The following HNF4A variants were observed in gnomAD, a reference collection of about 807,000 sequenced individuals.
HNF4A encodes the protein hepatocyte nuclear factor 4-alpha.
Under a neutral mutation model 52.4 loss-of-function variants are expected in HNF4A, and 15 were observed. That is an observed-to-expected ratio of 0.29 (90% CI 0.19 to 0.44). HNF4A has a LOEUF of 0.44. Ranked by LOEUF, HNF4A falls within the 20% of genes least tolerant of loss-of-function variation. The pLI is 1.00. For missense variants in HNF4A, 479 were observed against 647.2 expected (o/e 0.74, Z 2.82); for synonymous variants, 280 against 264.4 (o/e 1.06, Z -0.57).
At chr20:44,401,182 C>A, upstream of HNF4A, 3 of 1,470,756 alleles carry the variant, frequency 2.0e-6, no homozygotes, top group Admixed American at 2.2e-5. Context: ...CATTAACCCC[C>A]ACCCCTCCCC....
At chr20:44,413,896 A>T (rs953395360) in intron 4 of HNF4A, 96 bp downstream of exon 4, 4 of 814,440 alleles carry the variant, frequency 4.9e-6, no homozygotes, top group Admixed American at 2.0e-5. Flanking sequence ...GCCCTGGAGC[A>T]GCTGACGGGA....
At chr20:44,399,456 G>A (rs2063383043), upstream of HNF4A, among the ~76,000 whole-genome samples, 1 of 152,016 alleles carries the variant, frequency 6.6e-6, no homozygotes, top group Non-Finnish European at 1.5e-5. Context: ...TTCCCTACAG[G>A]CAATAGCACT....
intron 3 of HNF4A, among the ~76,000 whole-genome samples, chr20:44,411,037 A>G (rs1343956230): frequency 6.6e-6 from 1 of 152,170 alleles, no homozygotes; most frequent in Admixed American, 6.5e-5. Context: ...GCAGGTCAAG[A>G]ATTCTTTCCT....
At chr20:44,370,422 C>G (rs1388549558) in intron 1 of HNF4A, among the ~76,000 whole-genome samples, 2 of 152,210 alleles carry the variant, frequency 1.3e-5, no homozygotes, top group Non-Finnish European at 2.9e-5. Flanking sequence ...TGCCTCTTCC[C>G]CAGATCTTTG....
intron 5 of HNF4A, among the ~76,000 whole-genome samples, chr20:44,415,879 A>G (rs2063656893): frequency 6.6e-6 from 1 of 152,076 alleles, no homozygotes; most frequent in Non-Finnish European, 1.5e-5. Flanking sequence ...AGGATCTTGG[A>G]CAATCCGCCC....
rs769636511 is a variant in HNF4A at position 44,414,603 on chromosome 20, G to A, written c.589G>A (p.Val197Ile). 1 of 1,614,142 alleles carries A rather than the reference G, an allele frequency of 6.2e-7. No individual in the cohort carries two copies. Among genetic ancestry groups the A allele is most frequent in the East Asian group, 2.2e-5 (1 of 44,880 alleles). ...TGAGTCCATGAAGGAGCAGCTGCTG[G>A]TTCTCGTTGAGTGGGCCAAGTACAT... Residue 197 changes from valine (V) to isoleucine (I), a missense_variant, in exon 5 of 10, where the codon GTT (valine) becomes ATT (isoleucine). By Grantham distance (29) the Val-to-Ile change is conservative. Transcript: ENST00000316099.
intron 1 of HNF4A, among the ~76,000 whole-genome samples, chr20:44,404,837 T>TTC (rs1337096114): frequency 0.012 from 7 of 592 alleles, no homozygotes; most frequent in East Asian, 0.042. Flanking sequence ...CTGTGGTGTG[T>TTC]GTGTGCGTGA....
At chr20:44,366,605 A>G (rs2062972816) in intron 1 of HNF4A, among the ~76,000 whole-genome samples, 1 of 152,138 alleles carries the variant, frequency 6.6e-6, no homozygotes, top group Non-Finnish European at 1.5e-5. Context: ...TGGGCAACAG[A>G]GCGAGATCCT....
At position 44,424,089 on chromosome 20, in the gene HNF4A, T is replaced by C; in HGVS notation, c.964T>C (p.Tyr322His). Reference sequence around the variant, plus strand: ...CCAGGTGCAGGTGAGCTTGGAGGACTACATCAACGACCGCCAGTATGACTC... The same window carrying C: ...CCAGGTGCAGGTGAGCTTGGAGGACCACATCAACGACCGCCAGTATGACTC... Residue 322 changes from tyrosine (Y) to histidine (H), a missense_variant, in exon 8 of 10, where the codon TAC (tyrosine) becomes CAC (histidine). Coordinates refer to ENST00000316099, the MANE Select transcript of HNF4A (RefSeq NM_000457.6). The C allele has an allele frequency of 6.2e-7, 1 of 1,613,358 alleles. No homozygotes were observed. The highest frequency in any genetic ancestry group is 8.5e-7 in the Non-Finnish European group (1 of 1,179,982).
intron 2 of HNF4A, 23 bp downstream of exon 2, chr20:44,406,255 G>T: frequency 1.2e-6 from 2 of 1,608,360 alleles, no homozygotes; most frequent in Non-Finnish European, 8.5e-7. Flanking sequence ...AATTTCTTCA[G>T]CTGGGAAATG....
chr20:44,355,719 G>T (rs2062849481), exon 1 of HNF4A: 3 of 1,232,978 alleles, frequency 2.4e-6, no homozygotes, highest in Non-Finnish European at 3.6e-6. Flanking sequence ...CCTTCCTGGT[G>T]GACGGGCTCC....
chr20:44,384,306 T>C (rs1046585891), intron 1 of HNF4A, among the ~76,000 whole-genome samples: 2 of 152,066 alleles, frequency 1.3e-5, no homozygotes, highest in African/African-American at 4.8e-5. Flanking sequence ...TACTGTTTCA[T>C]TTGGTAGTAA....
At chr20:44,388,842 G>A (rs2063266927) in intron 1 of HNF4A, among the ~76,000 whole-genome samples, 1 of 152,238 alleles carries the variant, frequency 6.6e-6, no homozygotes, top group Non-Finnish European at 1.5e-5. Context: ...AGGGTGTCAG[G>A]GCTCCCAGCT....
At chr20:44,381,368 A>G (rs1228527921) in intron 1 of HNF4A, among the ~76,000 whole-genome samples, 1 of 148,382 alleles carries the variant, frequency 6.7e-6, no homozygotes, top group Non-Finnish European at 1.5e-5. Flanking sequence ...GCAACCTCCA[A>G]CTCCAGGGTT....
intron 1 of HNF4A, among the ~76,000 whole-genome samples, chr20:44,392,717 A>G (rs935962695): frequency 6.6e-6 from 1 of 152,174 alleles, no homozygotes; most frequent in Admixed American, 6.5e-5. Context: ...TTGTTAGACA[A>G]AACTTCTCCA....
At position 44,401,437 on chromosome 20, in the gene HNF4A, C is replaced by A. The variant is rs758457314; in HGVS notation, c.65C>A (p.Ala22Asp). 6.2e-7 allele frequency: 1 copy of A among 1,614,172 alleles called. No homozygotes were observed. The highest frequency in any genetic ancestry group is 8.5e-7 in the Non-Finnish European group (1 of 1,180,032). ...GACTACAGTGCTGCACTGGACCCAG[C>A]CTACACCACCCTGGAATTTGAGAAT... Residue 22 changes from alanine (A) to aspartate (D), a missense_variant, in exon 1 of 10, where the codon GCC (alanine) becomes GAC (aspartate). Physicochemically the swap from Ala to Asp is moderately radical, Grantham distance 126. Around this residue, in one of 3 missense-constraint regions of HNF4A, gnomAD observed 90 missense variants for 105.5 expected, o/e 0.85. Transcript: ENST00000316099.
chr20:44,375,059 A>G (rs1275380798), intron 1 of HNF4A, among the ~76,000 whole-genome samples: 2 of 152,130 alleles, frequency 1.3e-5, no homozygotes, highest in Admixed American at 6.6e-5. Flanking sequence ...GTGGGGACAA[A>G]AAAAGAAACT....
chr20:44,402,550 G>A (rs2063424953), intron 1 of HNF4A: 3 of 1,364,148 alleles, frequency 2.2e-6, no homozygotes, highest in Non-Finnish European at 2.9e-6. Context: ...TTGTCTCTGA[G>A]CAGATTTTGT....
In HNF4A at chr20:44,430,040, T is replaced by A; in HGVS notation, c.*375T>A. 1 of 233,056 alleles carries A rather than the reference T, an allele frequency of 4.3e-6. No individual in the cohort carries two copies. The highest frequency in any genetic ancestry group is 7.0e-5 in the South Asian group (1 of 14,382). 14.4% of individuals were successfully genotyped at this position (233,056 alleles called of 1,614,324 possible). ...CTCCCTTCTTCCCTAGCCTGGTGCT[T>A]CTCCTCTCCTAGCCCCTGTCATGGT... On this transcript the variant is annotated 3_prime_UTR_variant, in exon 10 of 10. Coordinates refer to ENST00000316099, the MANE Select transcript of HNF4A (RefSeq NM_000457.6).
Sources: gnomAD v4.1 joint callset for allele counts (sites outside exome capture counted in the v4.1 genomes callset) on GRCh38, gnomAD v4.1.1 for gene constraint, gnomAD v4.1.1 regional missense constraint, MANE v1.5 for transcripts, NCBI Gene and HGNC (gene_info 2026-07-23, HGNC 2026-07-21) for gene names.